The following MYH10 variants were observed in gnomAD, a reference collection of about 807,000 sequenced individuals.
MYH10 encodes myosin heavy chain 10, also known as myosin-10.
In MYH10, 55 loss-of-function variants were observed where a neutral mutation model predicts 257.8. That is an observed-to-expected ratio of 0.21 (90% CI 0.17 to 0.27). The LOEUF (loss-of-function observed/expected upper bound fraction) is 0.27, where lower values mean the gene tolerates loss of function less well. Among genes scored for constraint, MYH10 ranks in the 10% least tolerant of loss-of-function variants. The pLI is 1.00. For missense variants in MYH10, 1,631 were observed against 2,500.6 expected, an observed-to-expected ratio of 0.65 and a Z score of 7.42; for synonymous variants, 854 against 921.7, an observed-to-expected ratio of 0.93 and a Z score of 1.33.
At chr17:8,476,057 C>T (rs921419531) in intron 42 of MYH10, 109 bp from the exon 43 acceptor site, 68 of 1,265,962 alleles carry the variant, frequency 5.4e-5, no homozygotes, top group East Asian at 5.2e-4. Flanking sequence ...ACCCCCTCCT[C>T]GGACACACGA....
chr17:8,589,880 C>T (rs996598205), intron 3 of MYH10, among the ~76,000 whole-genome samples: 15 of 152,192 alleles, frequency 9.9e-5, no homozygotes, highest in African/African-American at 2.4e-4. Flanking sequence ...ATTACTATCC[C>T]TATTTCACAG....
chr17:8,543,429 C>T (rs2082352159), intron 13 of MYH10, among the ~76,000 whole-genome samples: 2 of 151,430 alleles, frequency 1.3e-5, no homozygotes, highest in African/African-American at 4.9e-5. Flanking sequence ...TGCTTTGCCT[C>T]AGGATGATGA....
At chr17:8,532,199 G>A (rs1447290303) in intron 16 of MYH10, among the ~76,000 whole-genome samples, 1 of 152,226 alleles carries the variant, frequency 6.6e-6, no homozygotes, top group Non-Finnish European at 1.5e-5. Flanking sequence ...GAGGCTAGCA[G>A]AGCCAAAGCA....
Position 8,504,469 on chromosome 17 carries a change from C to CCT in MYH10, c.3599+223_3599+224dup, listed in dbSNP as rs1347714943. Among the ~76,000 whole-genome samples the CCT allele has an allele frequency of 2.6e-5, 4 of 152,202 alleles. No individual in the cohort carries two copies. In the East Asian group the frequency reaches 7.7e-4, roughly 29 times the overall value. On this transcript the variant is annotated intron_variant, in intron 28 of 42. Coordinates refer to ENST00000360416, the MANE Select transcript of MYH10 (RefSeq NM_001256012.3). The surrounding 1 kb of genome is among the most constrained non-coding windows in gnomAD (Gnocchi z 5.6). ...CAGCTTTTCCGATCACATCCATCTC[C>CCT]CTCTGTGTCCCTCAGTCTGCTGGTT...
In MYH10 at chr17:8,475,796, C is replaced by G; in HGVS notation, c.*8G>C. On this transcript the variant is annotated 3_prime_UTR_variant, in exon 43 of 43. Coordinates refer to ENST00000360416, the MANE Select transcript of MYH10 (RefSeq NM_001256012.3). ...CCACTGTATTGCCTCCTCTGGCTTC[C>G]TGCAACTTTACTCTGACTGGGGTGG... 1.2e-6 allele frequency: 2 copies of G among 1,613,484 alleles called. No individual in the cohort carries two copies. The highest frequency in any genetic ancestry group is 2.7e-5 in the African/African-American group (2 of 75,016).
intron 2 of MYH10, among the ~76,000 whole-genome samples, chr17:8,608,843 G>C (rs8067437): frequency 6.9e-6 from 1 of 145,024 alleles, no homozygotes; most frequent in Non-Finnish European, 1.5e-5. Flanking sequence ...ACGGAGTCTC[G>C]CTCTGTCGCC....
At chr17:8,491,961 A>ATAAC (rs1915844040) in intron 34 of MYH10, among the ~76,000 whole-genome samples, 1 of 152,170 alleles carries the variant, frequency 6.6e-6, no homozygotes, top group Admixed American at 6.5e-5. Flanking sequence ...CTCATGTTTG[A>ATAAC]TAACTACCTG....
chr17:8,629,409 G>C (rs1384902303), intron 1 of MYH10, among the ~76,000 whole-genome samples: 1 of 116,156 alleles, frequency 8.6e-6, no homozygotes. Context: ...AGGCCCTAAA[G>C]AAACAGAGAT....
intron 2 of MYH10, among the ~76,000 whole-genome samples, chr17:8,613,307 G>A (rs1194853207): frequency 2.0e-5 from 3 of 152,148 alleles, no homozygotes; most frequent in East Asian, 1.9e-4. Context: ...CTAAAAGAAC[G>A]GAAGCTAAAA....
At chr17:8,519,823 A>G (rs2081590542) in intron 19 of MYH10, among the ~76,000 whole-genome samples, 1 of 152,190 alleles carries the variant, frequency 6.6e-6, no homozygotes, top group Non-Finnish European at 1.5e-5. Flanking sequence ...AAAAAAGAAG[A>G]AAAAAAGCAA....
chr17:8,524,256 C>T (rs1300885185), intron 17 of MYH10, among the ~76,000 whole-genome samples: 4 of 151,804 alleles, frequency 2.6e-5, no homozygotes, highest in Admixed American at 1.3e-4. Context: ...GCCTGGCCAA[C>T]ATGGTGAAAA....
chr17:8,558,499 C>CA lies in MYH10; in HGVS notation c.757-4482dup, dbSNP rs900234317. 1.6e-4 allele frequency among the ~76,000 whole-genome samples: 24 copies of CA among 151,868 alleles called. No individual in the cohort carries two copies. The South Asian group carries it at 3.3e-3, about 21-fold the overall frequency. On this transcript the variant is annotated intron_variant, in intron 7 of 42. Coordinates refer to ENST00000360416, the MANE Select transcript of MYH10 (RefSeq NM_001256012.3). ...CTTAAGTTCACTTGAAAAAAACAAA[C>CA]AAAAAAAAGCAAAACAAAAACAAAA...
intron 4 of MYH10, among the ~76,000 whole-genome samples, chr17:8,578,062 C>T (rs1163083677): frequency 1.3e-5 from 2 of 152,070 alleles, no homozygotes; most frequent in Non-Finnish European, 2.9e-5. Context: ...CTCTGAGATG[C>T]CTGCTGGTAT....
rs2084779144 is a variant in MYH10 at position 8,605,879 on chromosome 17, ATATGAGATTC to A, written c.346-907_346-898del. 5.3e-5 allele frequency among the ~76,000 whole-genome samples: 8 copies of A among 152,374 alleles called. No individual in the cohort carries two copies. In the South Asian group the frequency reaches 1.7e-3, roughly 32 times the overall value. On this transcript the variant is annotated intron_variant, in intron 2 of 42. Transcript: ENST00000360416. The stretch of plus-strand genomic sequence containing the variant: ...ATAAGAAAACAGAATGCAAAAGCAG[ATATGAGATTC>A]CAGCTATGTTTGGTTAATACTAAAG...
intron 40 of MYH10, 37 bp downstream of exon 40, chr17:8,480,073 T>G: frequency 6.2e-7 from 1 of 1,605,026 alleles, no homozygotes. Flanking sequence ...TGAGCCTAGT[T>G]GGTAAGTTTT....
intron 4 of MYH10, among the ~76,000 whole-genome samples, chr17:8,582,648 G>C (rs770496627): frequency 6.6e-6 from 1 of 152,216 alleles, no homozygotes; most frequent in African/African-American, 2.4e-5. Flanking sequence ...ACATGTTTGC[G>C]TTTCCTCAAT....
In MYH10 at chr17:8,559,362, T is replaced by C. The variant is rs150424866; in HGVS notation, c.757-5344A>G. ...AAAAATAACCTACAAAGATGGTTTC[T>C]CTAGTTTTCTTTCATACCTACTTGA... On this transcript the variant is annotated intron_variant, in intron 7 of 42. Coordinates refer to ENST00000360416, the MANE Select transcript of MYH10 (RefSeq NM_001256012.3). 6.1e-3 allele frequency among the ~76,000 whole-genome samples: 932 copies of C among 152,368 alleles called. 15 individuals carry two copies. The highest frequency in any genetic ancestry group is 0.02 in the African/African-American group (835 of 41,592).
At chr17:8,565,795 C>T (rs268448) in intron 7 of MYH10, among the ~76,000 whole-genome samples, 146,874 of 152,304 alleles carry the variant, frequency 0.96, 71,052 homozygotes, top group East Asian at 1. Context: ...GGCTAGAAAA[C>T]AATCTAATTC....
chr17:8,623,238 C>A lies in MYH10; in HGVS notation c.9G>T (p.Gln3His). 1 of 1,578,020 alleles carries A rather than the reference C, an allele frequency of 6.3e-7. No homozygotes were observed. Among genetic ancestry groups the A allele is most frequent in the South Asian group, 1.2e-5 (1 of 85,442 alleles). MA[Q>H]RTGLEDPERY... ...TCTCTGGATCCTCGAGTCCAGTTCT[C>A]TGCGCCATTGTAAATGGAACGATCC... Residue 3 changes from glutamine to histidine, a missense_variant, in exon 2 of 43, where the codon CAG becomes CAT. Transcript: ENST00000360416.
Sources: gnomAD v4.1 joint callset for allele counts (sites outside exome capture counted in the v4.1 genomes callset) on GRCh38, gnomAD v4.1.1 for gene constraint, Gnocchi (gnomAD v3.1) non-coding constraint, MANE v1.5 for transcripts, NCBI Gene and HGNC (gene_info 2026-07-23, HGNC 2026-07-21) for gene names.